Variants in TFEC observed in about 807,000 individuals in gnomAD.
TFEC encodes the protein class E basic helix-loop-helix protein 34.
TFEC carries 31 observed loss-of-function variants against 41.6 expected under a neutral mutation model. That is an observed-to-expected ratio of 0.74 (90% CI 0.56 to 1.01). The LOEUF (loss-of-function observed/expected upper bound fraction) is 1.01. Ranked by LOEUF, TFEC falls within the 50% of genes least tolerant of loss-of-function variation. The pLI, the probability that TFEC is intolerant of heterozygous loss-of-function variation, is 0.00. For synonymous variants in TFEC, 143 were observed against 140.6 expected (o/e 1.02, Z -0.12); for missense variants, 402 against 404.1 (o/e 0.99, Z 0.04).
chr7:116,057,005 G>A (rs1291397668), intron 3 of TFEC, among the ~76,000 whole-genome samples: 4 of 151,908 alleles, frequency 2.6e-5, no homozygotes, highest in Non-Finnish European at 5.9e-5. Flanking sequence ...AAATATGAAA[G>A]CTACGATGTG....
chr7:116,116,514 T>C (rs1040312694), intron 1 of TFEC, among the ~76,000 whole-genome samples: 1 of 151,922 alleles, frequency 6.6e-6, no homozygotes, highest in African/African-American at 2.4e-5. Context: ...AGTTGAAATG[T>C]TCAAGCACAA....
intron 3 of TFEC, among the ~76,000 whole-genome samples, chr7:116,105,525 G>T (rs1005321034): frequency 1.3e-5 from 2 of 152,172 alleles, no homozygotes; most frequent in Admixed American, 1.3e-4. Flanking sequence ...TGGATGAGGG[G>T]CAGCAACCAA....
intron 1 of TFEC, among the ~76,000 whole-genome samples, chr7:116,144,147 T>C (rs1798595262): frequency 1.3e-5 from 2 of 151,088 alleles, no homozygotes; most frequent in Non-Finnish European, 1.5e-5. Context: ...GAACCCAGAG[T>C]CAGAGGTTGC....
At chr7:116,057,012 T>C (rs1056820471) in intron 3 of TFEC, among the ~76,000 whole-genome samples, 1 of 151,974 alleles carries the variant, frequency 6.6e-6, no homozygotes, top group Non-Finnish European at 1.5e-5. Flanking sequence ...AAAGCTACGA[T>C]GTGAGATGCA....
At chr7:116,056,364 G>A (rs1796430866) in intron 3 of TFEC, among the ~76,000 whole-genome samples, 1 of 152,128 alleles carries the variant, frequency 6.6e-6, no homozygotes, top group Admixed American at 6.6e-5. Context: ...AGTATACCAA[G>A]ATGGAAAAGC....
chr7:116,014,984 A>G (rs894106412), intron 1 of TFEC, among the ~76,000 whole-genome samples: 2 of 152,116 alleles, frequency 1.3e-5, no homozygotes, highest in African/African-American at 4.8e-5. Flanking sequence ...TCAAACTTCT[A>G]TTCTCTAGAA....
intron 3 of TFEC, among the ~76,000 whole-genome samples, chr7:116,086,578 C>T (rs557436393): frequency 6.6e-6 from 1 of 151,396 alleles, no homozygotes; most frequent in Non-Finnish European, 1.5e-5. Context: ...GAGTACCCCC[C>T]CACTGTTTTC....
At chr7:116,032,807 C>A (rs1268276625), upstream of TFEC, among the ~76,000 whole-genome samples, 1 of 152,032 alleles carries the variant, frequency 6.6e-6, no homozygotes, top group East Asian at 1.9e-4. Flanking sequence ...ATGTAACAAA[C>A]CTGCACATGT....
At chr7:116,097,414 A>T (rs1398431238) in intron 3 of TFEC, among the ~76,000 whole-genome samples, 1 of 152,234 alleles carries the variant, frequency 6.6e-6, no homozygotes, top group African/African-American at 2.4e-5. Flanking sequence ...ACATAATAAA[A>T]TAGAACAATT....
At chr7:115,978,642 C>T (rs1292334850) in intron 2 of TFEC, among the ~76,000 whole-genome samples, 1 of 152,182 alleles carries the variant, frequency 6.6e-6, no homozygotes, top group Admixed American at 6.5e-5. Flanking sequence ...GGCTTCTGCT[C>T]ACCATCCTAC....
intron 1 of TFEC, among the ~76,000 whole-genome samples, chr7:116,003,580 G>A (rs566190731): frequency 2.1e-4 from 32 of 151,970 alleles, no homozygotes; most frequent in Non-Finnish European, 2.8e-4. Flanking sequence ...GATTGAATCC[G>A]ACAGGCAGAA....
chr7:116,092,462 A>G (rs932354620), intron 3 of TFEC, among the ~76,000 whole-genome samples: 6 of 152,170 alleles, frequency 3.9e-5, no homozygotes, highest in African/African-American at 1.4e-4. Context: ...TAAATATGTT[A>G]CCTGAGGCAA....
chr7:115,990,207 C>T (rs756097548), intron 1 of TFEC, among the ~76,000 whole-genome samples: 15 of 152,160 alleles, frequency 9.9e-5, no homozygotes, highest in African/African-American at 3.4e-4. Flanking sequence ...AGGACATCCA[C>T]ACCAAAACCC....
intron 1 of TFEC, among the ~76,000 whole-genome samples, chr7:116,144,525 T>G (rs1013411996): frequency 6.6e-6 from 1 of 152,032 alleles, no homozygotes; most frequent in Non-Finnish European, 1.5e-5. Context: ...CATTTATTAT[T>G]TTTTTTAGAA....
intron 1 of TFEC, among the ~76,000 whole-genome samples, chr7:116,130,084 A>ACACT (rs1166207148): frequency 1.4e-5 from 2 of 144,290 alleles, no homozygotes; most frequent in Non-Finnish European, 3.1e-5. Context: ...ACACACACAC[A>ACACT]CTCTTACTTG....
intron 3 of TFEC, among the ~76,000 whole-genome samples, chr7:116,044,610 A>T (rs1412003566): frequency 2.0e-5 from 3 of 152,218 alleles, no homozygotes; most frequent in Admixed American, 2.0e-4. Flanking sequence ...TTTGACAACT[A>T]CTTGGGAAGT....
upstream of TFEC, among the ~76,000 whole-genome samples, chr7:116,033,605 T>G (rs747573576): frequency 2.0e-5 from 3 of 152,114 alleles, no homozygotes; most frequent in Non-Finnish European, 4.4e-5. Context: ...TTTGTTATCA[T>G]AGATGAATTA....
At chr7:115,986,061 ACTTTT>A (rs1368431196) in intron 1 of TFEC, among the ~76,000 whole-genome samples, 2 of 152,140 alleles carry the variant, frequency 1.3e-5, no homozygotes, top group Admixed American at 6.5e-5. Context: ...TTCATTTTTT[ACTTTT>A]CATCCATTCA....
At chr7:116,098,360 T>A (rs1365620808) in intron 3 of TFEC, among the ~76,000 whole-genome samples, 1 of 152,132 alleles carries the variant, frequency 6.6e-6, no homozygotes, top group African/African-American at 2.4e-5. Context: ...GGTTTCACTG[T>A]GTTGCCTAGA....
Sources: allele counts gnomAD v4.1 joint callset (sites outside exome capture counted in the v4.1 genomes callset), GRCh38; gene constraint gnomAD v4.1.1; transcripts MANE v1.5; gene names NCBI Gene and HGNC (gene_info 2026-07-23, HGNC 2026-07-21).